Variants in JPH3 observed in about 807,000 individuals in gnomAD.
JPH3 encodes junctophilin-3.
JPH3 carries 11 observed loss-of-function variants against 59.6 expected under a neutral mutation model. The observed-to-expected ratio is 0.18, with a 90% confidence interval of 0.12 to 0.31. The LOEUF is 0.31. Among genes scored for constraint, JPH3 ranks in the 10% least tolerant of loss-of-function variants. JPH3 has a pLI of 1.00. For missense variants in JPH3, 1,202 were observed against 1,105.7 expected (o/e 1.09, Z -1.24); for synonymous variants, 673 against 483.6 (o/e 1.39, Z -5.14).
At chr16:87,652,070 G>C (rs568776544) in intron 2 of JPH3, among the ~76,000 whole-genome samples, 1 of 152,202 alleles carries the variant, frequency 6.6e-6, no homozygotes, top group Non-Finnish European at 1.5e-5. Context: ...CGCCTCCCAG[G>C]TTCACGCCAT....
intron 1 of JPH3, among the ~76,000 whole-genome samples, chr16:87,625,398 G>A (rs952366821): frequency 3.9e-5 from 6 of 152,122 alleles, no homozygotes; most frequent in Admixed American, 6.5e-5. Flanking sequence ...CCAGCAGCTC[G>A]CAGGCTGCCT....
chr16:87,691,095 C>A (rs1166863646), intron 4 of JPH3, among the ~76,000 whole-genome samples: 2 of 151,024 alleles, frequency 1.3e-5, no homozygotes, highest in Non-Finnish European at 3.0e-5. Flanking sequence ...CACCCCCCCC[C>A]CAAATTCGTT....
At position 87,633,225 on chromosome 16, in the gene JPH3, G is replaced by T. The variant is rs1174684211; in HGVS notation, c.383-11033G>T. 2.6e-5 allele frequency among the ~76,000 whole-genome samples: 4 copies of T among 152,044 alleles called. 1 individual carries two copies. The East Asian group carries it at 7.7e-4, about 29-fold the overall frequency. Reference sequence around the variant, plus strand: ...GATTGTTCTTTGTTTTCGTGGGCTTGTCCCTCTGTATGCCTCTGAGTCCCT... The same window carrying T: ...GATTGTTCTTTGTTTTCGTGGGCTTTTCCCTCTGTATGCCTCTGAGTCCCT... On this transcript the variant is annotated intron_variant, in intron 1 of 4. Transcript: ENST00000284262.
intron 2 of JPH3, among the ~76,000 whole-genome samples, chr16:87,660,029 A>G (rs9934868): frequency 0.74 from 112,136 of 151,824 alleles, 41,732 homozygotes; most frequent in African/African-American, 0.83. Flanking sequence ...CCTAGTGTGG[A>G]GGTCGGGGGT....
chr16:87,614,052 C>T (rs74039510), intron 1 of JPH3, among the ~76,000 whole-genome samples: 24 of 152,308 alleles, frequency 1.6e-4, no homozygotes, highest in African/African-American at 5.5e-4. Context: ...AAGGGAGGGG[C>T]CCTGCCCCAG....
intron 2 of JPH3, among the ~76,000 whole-genome samples, chr16:87,651,624 C>G (rs1021560257): frequency 2.0e-5 from 3 of 152,222 alleles, no homozygotes; most frequent in Admixed American, 1.3e-4. Flanking sequence ...GTGGAAATAG[C>G]AAGAGAACTG....
intron 1 of JPH3, chr16:87,604,627 T>G: frequency 1.7e-6 from 2 of 1,195,806 alleles, no homozygotes; most frequent in Non-Finnish European, 2.1e-6. Flanking sequence ...ATCCTGAGCG[T>G]ACGTGTGCTC....
intron 1 of JPH3, among the ~76,000 whole-genome samples, chr16:87,609,275 T>C (rs976513346): frequency 6.6e-6 from 1 of 152,194 alleles, no homozygotes; most frequent in Non-Finnish European, 1.5e-5. Flanking sequence ...TTTATTTATT[T>C]ATCTGTTTTG....
intron 4 of JPH3, chr16:87,695,008 AGT>A (rs1336814686): frequency 3.3e-6 from 1 of 303,276 alleles, no homozygotes; most frequent in South Asian, 3.0e-5. Flanking sequence ...TGCTGCCGGG[AGT>A]GTGTGCACAC....
rs1173947596 is a variant in JPH3 at position 87,666,939 on chromosome 16, C to G, written c.1161-17203C>G. ...CGGCTCCTGGGCCTGTGTGCCCCCT[C>G]CATGACCATATCAGCTTCCTACAGC... On this transcript the variant is annotated intron_variant, in intron 2 of 4. Coordinates refer to ENST00000284262, the MANE Select transcript of JPH3 (RefSeq NM_020655.4). Among the ~76,000 whole-genome samples, 4 of 152,220 alleles carry G rather than the reference C, an allele frequency of 2.6e-5. No homozygotes were observed. The East Asian group carries it at 7.7e-4, about 29-fold the overall frequency.
chr16:87,637,325 C>T (rs373057775), intron 1 of JPH3, among the ~76,000 whole-genome samples: 30 of 152,198 alleles, frequency 2.0e-4, no homozygotes, highest in South Asian at 6.2e-4. Flanking sequence ...GCCCTGTGAG[C>T]AGCCATTCCT....
chr16:87,660,583 G>T (rs1265137123), intron 2 of JPH3, among the ~76,000 whole-genome samples: 1 of 152,200 alleles, frequency 6.6e-6, no homozygotes, highest in Non-Finnish European at 1.5e-5. Flanking sequence ...CATGTCCGTT[G>T]TAGTCACTGC....
intron 1 of JPH3, among the ~76,000 whole-genome samples, chr16:87,627,446 T>C (rs1451928265): frequency 6.6e-6 from 1 of 152,194 alleles, no homozygotes; most frequent in Non-Finnish European, 1.5e-5. Flanking sequence ...TTTTATGTAG[T>C]AGACACACAG....
At chr16:87,627,659 T>C (rs1205811950) in intron 1 of JPH3, among the ~76,000 whole-genome samples, 1 of 144,178 alleles carries the variant, frequency 6.9e-6, no homozygotes, top group Non-Finnish European at 1.5e-5. Flanking sequence ...TTGGAGGGAA[T>C]GATTTTTTAT....
intron 1 of JPH3, among the ~76,000 whole-genome samples, chr16:87,634,609 A>T (rs1345991393): frequency 6.6e-6 from 1 of 152,184 alleles, no homozygotes; most frequent in Non-Finnish European, 1.5e-5. Flanking sequence ...CCCCAGGCCC[A>T]GGCTGGTGGA....
In JPH3 at chr16:87,644,954, G is replaced by T. The variant is rs751937922; in HGVS notation, c.1079G>T (p.Arg360Leu). 6.2e-7 allele frequency: 1 copy of T among 1,611,622 alleles called. No individual in the cohort carries two copies. The highest frequency in any genetic ancestry group is 8.5e-7 in the Non-Finnish European group (1 of 1,179,886). ...ATCCCCCTGCGGGCCAGCAAGATCCGCGAGAAGGTGGACCGCGCCGTTGAG... is the reference window on the plus strand; with the variant it reads ...ATCCCCCTGCGGGCCAGCAAGATCCTCGAGAAGGTGGACCGCGCCGTTGAG... ...NLIPLRASKI[R>L]EKVDRAVEAA... The change falls in exon 2 of 5, where the codon CGC becomes CTC. Residue 360 changes from arginine (R) to leucine (L), a missense_variant. By Grantham distance (102) the Arg-to-Leu change is moderately radical. Coordinates refer to ENST00000284262, the MANE Select transcript of JPH3 (RefSeq NM_020655.4).
At chr16:87,633,102 T>G (rs1336347684) in intron 1 of JPH3, among the ~76,000 whole-genome samples, 1 of 152,166 alleles carries the variant, frequency 6.6e-6, no homozygotes, top group Admixed American at 6.5e-5. Flanking sequence ...GTCCTCAGGC[T>G]GCCATCACAA....
intron 1 of JPH3, among the ~76,000 whole-genome samples, chr16:87,610,521 A>G (rs1235106588): frequency 1.3e-5 from 2 of 152,144 alleles, no homozygotes; most frequent in East Asian, 3.8e-4. Flanking sequence ...TGACCTGTGC[A>G]AGTAAATGCG....
chr16:87,652,549 C>G (rs769478479), intron 2 of JPH3, among the ~76,000 whole-genome samples: 6 of 152,258 alleles, frequency 3.9e-5, no homozygotes, highest in Non-Finnish European at 7.3e-5. Flanking sequence ...CTGCAACCTT[C>G]ACGTCCCGGG....
Sources: gnomAD v4.1 joint callset for allele counts (sites outside exome capture counted in the v4.1 genomes callset) on GRCh38, gnomAD v4.1.1 for gene constraint, MANE v1.5 for transcripts, NCBI Gene and HGNC (gene_info 2026-07-23, HGNC 2026-07-21) for gene names.